Variants in PDE7B observed in about 807,000 individuals in gnomAD.
PDE7B encodes phosphodiesterase 7B.
A neutral mutation model predicts 56.2 loss-of-function variants in PDE7B; 29 were observed. The ratio of observed to expected loss-of-function variants is 0.52; its 90% CI spans 0.38 to 0.70. PDE7B has a LOEUF of 0.70. Among genes scored for constraint, PDE7B ranks in the 30% least tolerant of loss-of-function variants. The probability of loss-of-function intolerance (pLI) is 0.00; values close to 1 mark genes in which losing one functional copy is unlikely to be tolerated. For missense variants in PDE7B, 490 were observed against 565.0 expected (o/e 0.87, Z 1.35); for synonymous variants, 197 against 196.9 (o/e 1.00, Z 0.00).
intron 8 of PDE7B, among the ~76,000 whole-genome samples, chr6:136,168,864 GAACA>G (rs1472294475): frequency 6.6e-6 from 1 of 152,156 alleles, no homozygotes; most frequent in African/African-American, 2.4e-5. Context: ...CATCTAATTA[GAACA>G]ATCAACCTTA....
intron 2 of PDE7B, among the ~76,000 whole-genome samples, chr6:136,024,146 T>A (rs924058791): frequency 6.6e-6 from 1 of 152,246 alleles, no homozygotes; most frequent in African/African-American, 2.4e-5. Context: ...TAATTGGATA[T>A]TCACTGTTGA....
intron 2 of PDE7B, chr6:136,044,619 T>C (rs1293970949): frequency 1.3e-5 from 2 of 152,232 alleles, no homozygotes; most frequent in African/African-American, 4.8e-5. Flanking sequence ...GACAGCTCTC[T>C]CTTCCTATAG....
intron 2 of PDE7B, among the ~76,000 whole-genome samples, chr6:136,047,106 C>T (rs183767541): frequency 1.2e-4 from 19 of 152,282 alleles, no homozygotes; most frequent in East Asian, 3.9e-4. Context: ...TTGAGCATTG[C>T]GTATTCAACA....
chr6:135,901,797 A>T (rs1196809500), intron 1 of PDE7B, among the ~76,000 whole-genome samples: 1 of 152,212 alleles, frequency 6.6e-6, no homozygotes, highest in African/African-American at 2.4e-5. Context: ...TTTCATGGAC[A>T]GTTGCCTCAG....
At chr6:136,138,696 T>G (rs980288894) in intron 3 of PDE7B, among the ~76,000 whole-genome samples, 6 of 152,166 alleles carry the variant, frequency 3.9e-5, no homozygotes, top group Admixed American at 1.3e-4. Context: ...AGATAGAAGT[T>G]AAACGGAGTA....
At chr6:135,890,543 G>T (rs550220612) in intron 1 of PDE7B, among the ~76,000 whole-genome samples, 1 of 152,172 alleles carries the variant, frequency 6.6e-6, no homozygotes, top group Admixed American at 6.5e-5. Context: ...AACCCAGCAC[G>T]CAGTGGGTAT....
chr6:135,921,823 C>T (rs1350535274), intron 1 of PDE7B, among the ~76,000 whole-genome samples: 1 of 152,022 alleles, frequency 6.6e-6, no homozygotes, highest in African/African-American at 2.4e-5. Flanking sequence ...TCTTTCTACC[C>T]TGTTCTCCAC....
At chr6:136,022,366 G>A (rs906465437) in intron 2 of PDE7B, among the ~76,000 whole-genome samples, 33 of 152,160 alleles carry the variant, frequency 2.2e-4, no homozygotes, top group African/African-American at 8.0e-4. Context: ...CCCACAGACG[G>A]TGCTTAGTGT....
At chr6:136,038,299 G>A (rs1328417108) in intron 2 of PDE7B, 12 of 1,295,704 alleles carry the variant, frequency 9.3e-6, no homozygotes, top group Admixed American at 2.3e-5. Context: ...GAATGCCTGT[G>A]CTAGAGCGAT....
intron 2 of PDE7B, among the ~76,000 whole-genome samples, chr6:136,025,258 C>G (rs1007607887): frequency 6.6e-6 from 1 of 152,144 alleles, no homozygotes; most frequent in African/African-American, 2.4e-5. Context: ...AAATGAATAC[C>G]TGCACTCTTA....
intron 1 of PDE7B, among the ~76,000 whole-genome samples, chr6:135,931,083 C>G (rs1380047439): frequency 6.6e-6 from 1 of 152,118 alleles, no homozygotes; most frequent in Non-Finnish European, 1.5e-5. Flanking sequence ...TTAAAGGTCA[C>G]AAAAGAGGTT....
At chr6:135,874,028 G>A (rs1409309496) in intron 1 of PDE7B, among the ~76,000 whole-genome samples, 1 of 152,158 alleles carries the variant, frequency 6.6e-6, no homozygotes, top group East Asian at 1.9e-4. Flanking sequence ...ATAGAAAAAA[G>A]AAGAGCAGAG....
chr6:135,946,938 G>A (rs939304603), intron 1 of PDE7B, among the ~76,000 whole-genome samples: 3 of 152,002 alleles, frequency 2.0e-5, no homozygotes, highest in Non-Finnish European at 4.4e-5. Context: ...TGATATTTCC[G>A]TAAGTCTGTG....
intron 1 of PDE7B, among the ~76,000 whole-genome samples, chr6:135,857,040 CCCTCCCTCCCTCCCTTCCTT>C (rs1562412198): frequency 1.5e-5 from 2 of 136,978 alleles, no homozygotes; most frequent in African/African-American, 2.8e-5. Flanking sequence ...CTCCCTCCCT[CCCTCCCTCCCTCCCTTCCTT>C]CCTCCCTTCC....
At chr6:136,024,661 G>A (rs1211099036) in intron 2 of PDE7B, among the ~76,000 whole-genome samples, 1 of 152,146 alleles carries the variant, frequency 6.6e-6, no homozygotes, top group Non-Finnish European at 1.5e-5. Flanking sequence ...CCTTGTTAGA[G>A]ATGCTTGTCA....
intron 1 of PDE7B, among the ~76,000 whole-genome samples, chr6:135,902,143 A>G (rs1338850265): frequency 1.3e-5 from 2 of 152,266 alleles, no homozygotes; most frequent in African/African-American, 2.4e-5. Context: ...GTAAACAGAA[A>G]ATTTGTTTAT....
At chr6:135,978,086 T>A (rs1335294239) in intron 2 of PDE7B, among the ~76,000 whole-genome samples, 1 of 152,118 alleles carries the variant, frequency 6.6e-6, no homozygotes, top group African/African-American at 2.4e-5. Flanking sequence ...GCCTATTTCA[T>A]CATAGTGTAA....
chr6:136,156,202 T>TGTGTGTGTGTGTGTG (rs1562508366), intron 8 of PDE7B: 215 of 324,720 alleles, frequency 6.6e-4, no homozygotes, highest in Middle Eastern at 1.1e-3. Context: ...TGTGTGTGTG[T>TGTGTGTGTGTGTGTG]TTTCAGAAAC....
intron 8 of PDE7B, 112 bp from the exon 9 acceptor site, chr6:136,173,685 C>G (rs989913113): frequency 1.4e-6 from 1 of 721,366 alleles, no homozygotes; most frequent in Non-Finnish European, 2.4e-6. Flanking sequence ...GCCTCTGGGT[C>G]ATCAAGTACA....
Sources: allele counts gnomAD v4.1 joint callset (sites outside exome capture counted in the v4.1 genomes callset), GRCh38; gene constraint gnomAD v4.1.1; transcripts MANE v1.5; gene names NCBI Gene and HGNC (gene_info 2026-07-23, HGNC 2026-07-21).